Variants in PTPRR observed in about 807,000 individuals in gnomAD.
PTPRR encodes the protein receptor-type tyrosine-protein phosphatase R.
PTPRR carries 38 observed loss-of-function variants against 77.2 expected under a neutral mutation model. The ratio of observed to expected loss-of-function variants is 0.49; its 90% CI spans 0.38 to 0.65. The LOEUF is 0.65. Among genes scored for constraint, PTPRR ranks in the 30% least tolerant of loss-of-function variants. PTPRR has a pLI of 0.00. For synonymous variants in PTPRR, 299 were observed against 283.1 expected (o/e 1.06, Z -0.57); for missense variants, 744 against 799.2 (o/e 0.93, Z 0.83).
chr12:70,767,164 A>G (rs1890845968), intron 2 of PTPRR, among the ~76,000 whole-genome samples: 1 of 152,094 alleles, frequency 6.6e-6, no homozygotes, highest in South Asian at 2.1e-4. Flanking sequence ...ACACATAACA[A>G]TATTAACTTT....
At chr12:70,695,049 C>G (rs1331438622) in intron 8 of PTPRR, among the ~76,000 whole-genome samples, 1 of 151,980 alleles carries the variant, frequency 6.6e-6, no homozygotes, top group Non-Finnish European at 1.5e-5. Flanking sequence ...TAATCTCAGC[C>G]AAGATAACAC....
intron 6 of PTPRR, among the ~76,000 whole-genome samples, chr12:70,720,346 A>G (rs920933120): frequency 1.3e-5 from 2 of 152,046 alleles, no homozygotes; most frequent in Non-Finnish European, 1.5e-5. Flanking sequence ...TACCCACCTG[A>G]GGTGGATATG....
At chr12:70,670,333 G>A (rs1887174973) in intron 10 of PTPRR, among the ~76,000 whole-genome samples, 2 of 152,198 alleles carry the variant, frequency 1.3e-5, no homozygotes, top group Admixed American at 6.5e-5. Flanking sequence ...TCCTTATAAT[G>A]TTGGGGCAAT....
intron 2 of PTPRR, among the ~76,000 whole-genome samples, chr12:70,842,917 T>G (rs1892421333): frequency 6.6e-6 from 1 of 152,334 alleles, no homozygotes; most frequent in South Asian, 2.1e-4. Context: ...CATTGTTCTC[T>G]CAGCATATTT....
intron 8 of PTPRR, among the ~76,000 whole-genome samples, 157 bp downstream of exon 8, chr12:70,698,108 T>G (rs1475987611): frequency 6.6e-6 from 1 of 152,126 alleles, no homozygotes; most frequent in Non-Finnish European, 1.5e-5. Flanking sequence ...GGGATACATG[T>G]GCAGAATGTG....
At chr12:70,641,713 A>T (rs538306359) in intron 13 of PTPRR, among the ~76,000 whole-genome samples, 42 of 152,236 alleles carry the variant, frequency 2.8e-4, no homozygotes, top group Non-Finnish European at 5.0e-4. Flanking sequence ...GTCACTGACA[A>T]TATAGCTTTT....
chr12:70,693,043 A>G (rs1888108007), intron 8 of PTPRR, among the ~76,000 whole-genome samples: 1 of 152,116 alleles, frequency 6.6e-6, no homozygotes, highest in Non-Finnish European at 1.5e-5. Flanking sequence ...TTTTCTTAGC[A>G]AAGAGGACAA....
chr12:70,920,597 G>C lies in PTPRR; in HGVS notation c.-207C>G. 1 of 534,126 alleles carries C rather than the reference G, an allele frequency of 1.9e-6. No individual in the cohort carries two copies. Among genetic ancestry groups the C allele is most frequent in the Non-Finnish European group, 3.4e-6 (1 of 294,816 alleles). The allele number at this position is 534,126 out of a possible 1,614,324, so 33.1% of individuals were successfully genotyped here. ...GAGAGGGAGAGAGGAAGAGCAGTAG[G>C]AGGTTGCGGGTAAGGGGAACAGAAG... On this transcript the variant is annotated 5_prime_UTR_variant, in exon 1 of 14. Transcript: ENST00000283228.
chr12:70,847,016 G>C (rs551056288), intron 2 of PTPRR, among the ~76,000 whole-genome samples: 3 of 152,160 alleles, frequency 2.0e-5, no homozygotes, highest in African/African-American at 7.2e-5. Context: ...GGGGTGTCCA[G>C]GCACTGTACA....
At chr12:70,890,445 C>T (rs980013224) in intron 2 of PTPRR, among the ~76,000 whole-genome samples, 1 of 152,014 alleles carries the variant, frequency 6.6e-6, no homozygotes, top group Non-Finnish European at 1.5e-5. Flanking sequence ...CTTTCATGCC[C>T]TTTTTAAAGG....
At chr12:70,874,994 G>A (rs1481924392) in intron 2 of PTPRR, among the ~76,000 whole-genome samples, 3 of 150,962 alleles carry the variant, frequency 2.0e-5, no homozygotes, top group South Asian at 2.1e-4. Flanking sequence ...GCACTAGCAC[G>A]TAGCAGCAAA....
At chr12:70,803,270 C>A (rs189319845) in intron 2 of PTPRR, among the ~76,000 whole-genome samples, 1 of 152,024 alleles carries the variant, frequency 6.6e-6, no homozygotes, top group Non-Finnish European at 1.5e-5. Context: ...TCTTTAAAAC[C>A]TTCTCCTGGC....
chr12:70,735,156 T>G (rs1320223696), intron 6 of PTPRR, among the ~76,000 whole-genome samples: 1 of 152,194 alleles, frequency 6.6e-6, no homozygotes, highest in Non-Finnish European at 1.5e-5. Context: ...TGTGCATGTT[T>G]CCAGTGCCTC....
At chr12:70,639,548 G>C (rs986952265) in intron 13 of PTPRR, 1 of 1,141,700 alleles carries the variant, frequency 8.8e-7, no homozygotes, top group Admixed American at 4.6e-5. Context: ...AGGTGGTACA[G>C]CCTAATGATC....
intron 2 of PTPRR, among the ~76,000 whole-genome samples, chr12:70,892,036 C>G (rs1893346611): frequency 6.6e-6 from 1 of 151,958 alleles, no homozygotes; most frequent in African/African-American, 2.4e-5. Context: ...ATGATAACCT[C>G]CACAATTTGG....
chr12:70,749,653 T>C lies in PTPRR; in HGVS notation c.739-3567A>G, dbSNP rs549710310. Among the ~76,000 whole-genome samples the C allele has an allele frequency of 4.6e-5, 7 of 152,300 alleles. No homozygotes were observed. In the East Asian group the frequency reaches 7.7e-4, roughly 17 times the overall value. ...CCTTTGACATGTATTTATTACATGATGTTAAGGCTATAGCAGGTGGTTCAA... is the reference window on the plus strand; with the variant it reads ...CCTTTGACATGTATTTATTACATGACGTTAAGGCTATAGCAGGTGGTTCAA... On this transcript the variant is annotated intron_variant, in intron 5 of 13. Coordinates refer to ENST00000283228, the MANE Select transcript of PTPRR (RefSeq NM_002849.4).
At chr12:70,732,256 A>G (rs1325209633) in intron 6 of PTPRR, among the ~76,000 whole-genome samples, 3 of 152,232 alleles carry the variant, frequency 2.0e-5, no homozygotes, top group Non-Finnish European at 4.4e-5. Flanking sequence ...AGAAACCTTA[A>G]GTAGACTAAG....
At chr12:70,896,418 C>T (rs1207220341) in intron 1 of PTPRR, among the ~76,000 whole-genome samples, 1 of 151,360 alleles carries the variant, frequency 6.6e-6, no homozygotes, top group African/African-American at 2.4e-5. Flanking sequence ...ACCCAAAACA[C>T]CAGAATACAC....
At chr12:70,894,232 C>G (rs560439941) in intron 1 of PTPRR, among the ~76,000 whole-genome samples, 1 of 151,720 alleles carries the variant, frequency 6.6e-6, no homozygotes, top group African/African-American at 2.4e-5. Flanking sequence ...ATCATGCAAG[C>G]GTCTGTACTT....
Sources: allele counts gnomAD v4.1 joint callset (sites outside exome capture counted in the v4.1 genomes callset), GRCh38; gene constraint gnomAD v4.1.1; transcripts MANE v1.5; gene names NCBI Gene and HGNC (gene_info 2026-07-23, HGNC 2026-07-21).